AURKC: variants seen among roughly 807,000 people sequenced by gnomAD.
The protein encoded by AURKC is ARK-3.
In AURKC, 15 loss-of-function variants were observed where a neutral mutation model predicts 29.2. That is an observed-to-expected ratio of 0.51 (90% confidence interval 0.34 to 0.79). The LOEUF (loss-of-function observed/expected upper bound fraction) is 0.79, where lower values mean the gene tolerates loss of function less well. Among genes scored for constraint, AURKC ranks in the 30% least tolerant of loss-of-function variants. AURKC has a pLI of 0.01. For missense variants in AURKC, 332 were observed against 383.2 expected (o/e 0.87, Z 1.12); for synonymous variants, 150 against 149.9 (o/e 1.00, Z -0.01).
chr19:57,235,087 G>A (rs1277961253), intron 6 of AURKC, 29 bp downstream of exon 6: 2 of 1,613,732 alleles, frequency 1.2e-6, no homozygotes, highest in Non-Finnish European at 8.5e-7. Context: ...GGCATTCATG[G>A]GGGAGCTGGT....
In AURKC at chr19:57,231,245, C is replaced by T. The variant is rs1023200714; in HGVS notation, c.-4C>T. 26 of 1,551,832 alleles carry T rather than the reference C, an allele frequency of 1.7e-5. No individual in the cohort carries two copies. Among genetic ancestry groups the T allele is most frequent in the East Asian group, 2.4e-5 (1 of 40,904 alleles). The stretch of plus-strand genomic sequence containing the variant: ...AGGCGTCCGCGCCCTCACCTCTTCT[C>T]CCCATGAGCTCCCCCAGAGCTGTGG... On this transcript the variant is annotated 5_prime_UTR_variant, in exon 1 of 7. Coordinates refer to ENST00000302804, the MANE Select transcript of AURKC (RefSeq NM_001015878.2).
intron 5 of AURKC, among the ~76,000 whole-genome samples, chr19:57,233,881 G>A (rs993019639): frequency 6.6e-6 from 1 of 151,680 alleles, no homozygotes; most frequent in Non-Finnish European, 1.5e-5. Context: ...ACAGGCATGT[G>A]CCACCACACT....
rs1302597906 is a variant in AURKC at position 57,232,161 on chromosome 19, A to T, written c.233A>T (p.Gln78Leu). 1 of 1,614,114 alleles carries T rather than the reference A, an allele frequency of 6.2e-7. No individual in the cohort carries two copies. Among genetic ancestry groups the T allele is most frequent in the East Asian group, 2.2e-5 (1 of 44,878 alleles). The stretch of plus-strand genomic sequence containing the variant: ...GCCCTGAAGGTTCTCTTCAAGTCGC[A>T]GATAGAGAAGGAAGGACTGGAGCAC... ...IVALKVLFKS[Q>L]IEKEGLEHQL... The change falls in exon 3 of 7, where the codon CAG becomes CTG. Residue 78 changes from glutamine to leucine, a missense_variant. Coordinates refer to ENST00000302804, the MANE Select transcript of AURKC (RefSeq NM_001015878.2). This position sits in a 1 kb window ranked among gnomAD's most constrained non-coding sequence, Gnocchi z 4.5.
At chr19:57,231,924 C>T (rs1391244041) in intron 2 of AURKC, 109 bp from the exon 3 acceptor site, 29 of 1,600,690 alleles carry the variant, frequency 1.8e-5, no homozygotes, top group South Asian at 1.8e-4. Flanking sequence ...GAAGGGAAAG[C>T]GGCAGAGGAA....
rs755502739 is a variant in AURKC, at chr19:57,235,327, G to C, written c.840G>C (p.Glu280Asp). The C allele has an allele frequency of 4.3e-6, 7 of 1,614,072 alleles. No homozygotes were observed. The highest frequency in any genetic ancestry group is 1.7e-5 in the Admixed American group (1 of 60,012). Residue 280 changes from glutamate to aspartate, a missense_variant, in exon 7 of 7, where the codon GAG becomes GAC. Glu to Asp is a conservative substitution (Grantham distance 45). Transcript: ENST00000302804. Reference protein sequence around the residue: ...ISRLLRYQPLERLPLAQILKH... With the variant: ...ISRLLRYQPLDRLPLAQILKH... ...GGCTTCTCAGATACCAGCCCTTGGAGAGACTGCCCCTGGCCCAGATCCTGA... is the reference window on the plus strand; with the variant it reads ...GGCTTCTCAGATACCAGCCCTTGGACAGACTGCCCCTGGCCCAGATCCTGA...
At position 57,233,749 on chromosome 19, in the gene AURKC, CTTTTCT is replaced by C; in HGVS notation, c.584+146_584+151del. ...GAATACTGCCTTTTTCTTTTCTTTTCTTTTCTTTTTTTTTTTGAGACAGAGTCTAAC... is the reference window on the plus strand; with the variant it reads ...GAATACTGCCTTTTTCTTTTCTTTTCTTTTTTTTTTGAGACAGAGTCTAAC... On this transcript the variant is annotated intron_variant, in intron 5 of 6. Coordinates refer to ENST00000302804, the MANE Select transcript of AURKC (RefSeq NM_001015878.2). 29 of 1,206,470 alleles carry C rather than the reference CTTTTCT, an allele frequency of 2.4e-5. No individual in the cohort carries two copies. In the South Asian group the frequency reaches 2.5e-4, roughly 10 times the overall value. The allele number at this position is 1,206,470 out of a possible 1,614,324, so 74.7% of individuals were successfully genotyped here. A position where few individuals can be genotyped will look rare whatever the true frequency, so the allele number is the denominator to read the frequency against.
rs2087538583 is a variant in AURKC at position 57,235,543 on chromosome 19, A to G, written c.*126A>G. On this transcript the variant is annotated 3_prime_UTR_variant, in exon 7 of 7. Coordinates refer to ENST00000302804, the MANE Select transcript of AURKC (RefSeq NM_001015878.2). ...TAATTAATAAAAGCTGAATCATTTC[A>G]TACCAGCTCTTCATAGTTGTGTGAG... is the stretch of plus-strand genomic sequence containing the variant. 8.7e-7 allele frequency: 1 copy of G among 1,143,398 alleles called. No individual in the cohort carries two copies. Among genetic ancestry groups the G allele is most frequent in the South Asian group, 1.3e-5 (1 of 79,336 alleles). 70.8% of individuals were successfully genotyped at this position (1,143,398 alleles called of 1,614,324 possible). A position where few individuals can be genotyped will look rare whatever the true frequency, so the allele number is the denominator to read the frequency against.
In AURKC at chr19:57,231,184, C is replaced by T. The variant is rs2087484239; in HGVS notation, c.-65C>T. The stretch of plus-strand genomic sequence containing the variant: ...AGTGACCCCCCACCCCTTTCAGGAC[C>T]CTGTGAACGGGAACAGCCATCCAGA... On this transcript the variant is annotated 5_prime_UTR_variant, in exon 1 of 7. Coordinates refer to ENST00000302804, the MANE Select transcript of AURKC (RefSeq NM_001015878.2). 3 of 1,551,502 alleles carry T rather than the reference C, an allele frequency of 1.9e-6. No homozygotes were observed. Among genetic ancestry groups the T allele is most frequent in the East Asian group, 2.4e-5 (1 of 40,896 alleles).
chr19:57,235,090 G>A, intron 6 of AURKC, 32 bp downstream of exon 6: 1 of 1,613,798 alleles, frequency 6.2e-7, no homozygotes, highest in Non-Finnish European at 8.5e-7. Flanking sequence ...ATTCATGGGG[G>A]AGCTGGTCAG....
chr19:57,232,824 C>T lies in AURKC; in HGVS notation c.435+144C>T, dbSNP rs975201766. Reference sequence around the variant, plus strand: ...ATTGTGTAAATTTAATATAATGGCACGTATGTTCTACAGCTTTATCCTTGG... The same window carrying T: ...ATTGTGTAAATTTAATATAATGGCATGTATGTTCTACAGCTTTATCCTTGG... On this transcript the variant is annotated intron_variant, in intron 4 of 6. Coordinates refer to ENST00000302804, the MANE Select transcript of AURKC (RefSeq NM_001015878.2). This position sits in a 1 kb window ranked among gnomAD's most constrained non-coding sequence, Gnocchi z 4.5. 29 of 1,087,154 alleles carry T rather than the reference C, an allele frequency of 2.7e-5. No individual in the cohort carries two copies. Among genetic ancestry groups the T allele is most frequent in the Middle Eastern group, 2.8e-4 (1 of 3,518 alleles). The allele number at this position is 1,087,154 out of a possible 1,614,324, so 67.3% of individuals were successfully genotyped here. A position where few individuals can be genotyped will look rare whatever the true frequency, so the allele number is the denominator to read the frequency against.
chr19:57,231,353 G>C, intron 1 of AURKC, 47 bp downstream of exon 1: 3 of 1,548,166 alleles, frequency 1.9e-6, no homozygotes, highest in Non-Finnish European at 2.6e-6. Context: ...CTGGGGACTG[G>C]GCCAGGGGTC....
At chr19:57,231,487 C>A in intron 1 of AURKC, 181 bp downstream of exon 1, 1 of 775,280 alleles carries the variant, frequency 1.3e-6, no homozygotes, top group Non-Finnish European at 2.1e-6. Flanking sequence ...CCCCTACTCT[C>A]TCCTCCCCTT....
In AURKC at chr19:57,233,490, T is replaced by C. The variant is rs747326825; in HGVS notation, c.466T>C (p.Tyr156His). The change falls in exon 5 of 7, where the codon TAC becomes CAC. Residue 156 changes from tyrosine to histidine, a missense_variant. By Grantham distance (83) the Tyr-to-His change is moderately conservative. Coordinates refer to ENST00000302804, the MANE Select transcript of AURKC (RefSeq NM_001015878.2). ...IIEELADALTYCHDKKVIHRD... is the reference protein window; with the variant it reads ...IIEELADALTHCHDKKVIHRD... Reference sequence around the variant, plus strand: ...AGAGGAGTTGGCAGATGCCCTGACCTACTGCCATGACAAGAAAGTGATTCA... The same window carrying C: ...AGAGGAGTTGGCAGATGCCCTGACCCACTGCCATGACAAGAAAGTGATTCA... 6.2e-7 allele frequency: 1 copy of C among 1,614,192 alleles called. No homozygotes were observed. The highest frequency in any genetic ancestry group is 8.5e-7 in the Non-Finnish European group (1 of 1,180,032).
At position 57,231,238 on chromosome 19, in the gene AURKC, C is replaced by G. The variant is rs2087485112; in HGVS notation, c.-11C>G. On this transcript the variant is annotated 5_prime_UTR_variant, in exon 1 of 7. Transcript: ENST00000302804. ...TTCAGGAAGGCGTCCGCGCCCTCAC[C>G]TCTTCTCCCCATGAGCTCCCCCAGA... The G allele has an allele frequency of 6.4e-7, 1 of 1,551,764 alleles. No homozygotes were observed. Among genetic ancestry groups the G allele is most frequent in the African/African-American group, 1.4e-5 (1 of 73,034 alleles).
At position 57,231,165 on chromosome 19, in the gene AURKC, C is replaced by T. The variant is rs552823754; in HGVS notation, c.-84C>T. On this transcript the variant is annotated 5_prime_UTR_variant, in exon 1 of 7. Coordinates refer to ENST00000302804, the MANE Select transcript of AURKC (RefSeq NM_001015878.2). ...GGAAGCGCCCCGGCCAGAAAGTGACCCCCCACCCCTTTCAGGACCCTGTGA... is the reference window on the plus strand; with the variant it reads ...GGAAGCGCCCCGGCCAGAAAGTGACTCCCCACCCCTTTCAGGACCCTGTGA... 5.8e-6 allele frequency: 9 copies of T among 1,551,068 alleles called. No individual in the cohort carries two copies. The highest frequency in any genetic ancestry group is 7.8e-6 in the Non-Finnish European group (9 of 1,146,566).
At position 57,232,449 on chromosome 19, in the gene AURKC, C is replaced by A; in HGVS notation, c.297-93C>A. 6.3e-7 allele frequency: 1 copy of A among 1,580,062 alleles called. No homozygotes were observed. The highest frequency in any genetic ancestry group is 8.7e-7 in the Non-Finnish European group (1 of 1,152,906). On this transcript the variant is annotated intron_variant, in intron 3 of 6. Coordinates refer to ENST00000302804, the MANE Select transcript of AURKC (RefSeq NM_001015878.2). This position sits in a 1 kb window ranked among gnomAD's most constrained non-coding sequence, Gnocchi z 4.5. The stretch of plus-strand genomic sequence containing the variant: ...AGGGCTGTTGTTATTCTGGTCCCAG[C>A]ATAATTTGCCACTTGTGTGACCAGG...
At chr19:57,231,334 C>T (rs1422740206) in intron 1 of AURKC, 28 bp downstream of exon 1, 4 of 1,551,638 alleles carry the variant, frequency 2.6e-6, no homozygotes, top group Non-Finnish European at 2.6e-6. Context: ...AGAAAGGACG[C>T]AGGGAAGGCT....
intron 2 of AURKC, 89 bp from the exon 3 acceptor site, chr19:57,231,944 G>A (rs2087496196): frequency 6.2e-7 from 1 of 1,603,178 alleles, no homozygotes; most frequent in Non-Finnish European, 8.5e-7. Context: ...AGGATACAAT[G>A]AAAGAGGAAG....
rs1599977779 is a variant in AURKC, at chr19:57,235,490, T to A, written c.*73T>A. 6 of 1,564,848 alleles carry A rather than the reference T, an allele frequency of 3.8e-6. No individual in the cohort carries two copies. In the East Asian group the frequency reaches 1.1e-4, roughly 29 times the overall value. ...GGCTCTGCCACCTCATTTGTCTTTA[T>A]TTTTTTCTCTTTTAAGATGTAAGAT... On this transcript the variant is annotated 3_prime_UTR_variant, in exon 7 of 7. Transcript: ENST00000302804.
Sources: gnomAD v4.1 joint callset for allele counts (sites outside exome capture counted in the v4.1 genomes callset) on GRCh38, gnomAD v4.1.1 for gene constraint, Gnocchi (gnomAD v3.1) non-coding constraint, MANE v1.5 for transcripts, NCBI Gene and HGNC (gene_info 2026-07-23, HGNC 2026-07-21) for gene names.